SGCZ: variants seen among roughly 807,000 people sequenced by gnomAD.
The protein encoded by SGCZ is sarcoglycan zeta, also known as zeta-sarcoglycan.
SGCZ carries 40 observed loss-of-function variants against 41.3 expected under a neutral mutation model. The ratio of observed to expected loss-of-function variants is 0.97; its 90% CI spans 0.75 to 1.26. SGCZ has a LOEUF of 1.26. Ranked by LOEUF, SGCZ falls within the 50% of genes most tolerant of loss-of-function variation. The probability of loss-of-function intolerance (pLI) is 0.00; values close to 1 mark genes in which losing one functional copy is unlikely to be tolerated. For synonymous variants in SGCZ, 206 were observed against 137.5 expected, an observed-to-expected ratio of 1.50 and a Z score of -3.49; for missense variants, 552 against 369.8, an observed-to-expected ratio of 1.49 and a Z score of -4.04.
At chr8:14,983,954 T>C (rs985446769) in intron 1 of SGCZ, among the ~76,000 whole-genome samples, 1 of 152,218 alleles carries the variant, frequency 6.6e-6, no homozygotes, top group Non-Finnish European at 1.5e-5. Flanking sequence ...TTTCAACCAA[T>C]ACTCGCTTTT....
chr8:14,962,548 G>C (rs892441341), intron 1 of SGCZ, among the ~76,000 whole-genome samples: 13 of 151,848 alleles, frequency 8.6e-5, no homozygotes, highest in African/African-American at 3.1e-4. Context: ...AATAGTTACT[G>C]GTTTCTCTGT....
At chr8:14,572,194 A>C (rs1804575696) in intron 1 of SGCZ, among the ~76,000 whole-genome samples, 1 of 152,186 alleles carries the variant, frequency 6.6e-6, no homozygotes, top group African/African-American at 2.4e-5. Context: ...ACTGCTCTCT[A>C]CCAGATAGTT....
At chr8:14,671,202 T>A (rs1234488423) in intron 1 of SGCZ, among the ~76,000 whole-genome samples, 2 of 152,224 alleles carry the variant, frequency 1.3e-5, no homozygotes, top group African/African-American at 4.8e-5. Flanking sequence ...TTTAAAATTG[T>A]GCAGATGAGG....
chr8:14,924,550 A>G (rs907106689), intron 1 of SGCZ, among the ~76,000 whole-genome samples: 4 of 151,922 alleles, frequency 2.6e-5, no homozygotes, highest in African/African-American at 9.7e-5. Context: ...AAAAAAAAGC[A>G]CGCCTTCCTA....
At chr8:14,204,806 T>A (rs1330154415) in intron 4 of SGCZ, among the ~76,000 whole-genome samples, 1 of 152,172 alleles carries the variant, frequency 6.6e-6, no homozygotes, top group Admixed American at 6.5e-5. Flanking sequence ...CTGTGAGACC[T>A]ACACCAGTTC....
chr8:15,045,732 C>A (rs1392129886), intron 1 of SGCZ, among the ~76,000 whole-genome samples: 1 of 152,054 alleles, frequency 6.6e-6, no homozygotes, highest in Non-Finnish European at 1.5e-5. Context: ...GAGTTGAAGA[C>A]CCTATCCATC....
At chr8:14,862,376 T>C (rs1803781197) in intron 1 of SGCZ, among the ~76,000 whole-genome samples, 1 of 151,824 alleles carries the variant, frequency 6.6e-6, no homozygotes, top group Non-Finnish European at 1.5e-5. Flanking sequence ...GTGGCTGTTG[T>C]GCAAATGAGA....
intron 1 of SGCZ, among the ~76,000 whole-genome samples, chr8:14,677,671 T>C (rs1213416144): frequency 6.6e-6 from 1 of 152,132 alleles, no homozygotes; most frequent in Non-Finnish European, 1.5e-5. Context: ...CTCAGGAGGC[T>C]GAGGCAAGAG....
intron 1 of SGCZ, among the ~76,000 whole-genome samples, chr8:14,938,249 G>A (rs1800148831): frequency 6.6e-6 from 1 of 152,112 alleles, no homozygotes; most frequent in African/African-American, 2.4e-5. Context: ...AACAGTAGAG[G>A]AAGATATGGA....
At chr8:14,960,333 C>T (rs1397862852) in intron 1 of SGCZ, among the ~76,000 whole-genome samples, 1 of 151,910 alleles carries the variant, frequency 6.6e-6, no homozygotes, top group African/African-American at 2.4e-5. Flanking sequence ...GTTGAGACAC[C>T]ATGGAATACA....
At chr8:15,000,546 A>G (rs1199954503) in intron 1 of SGCZ, among the ~76,000 whole-genome samples, 1 of 152,156 alleles carries the variant, frequency 6.6e-6, no homozygotes, top group African/African-American at 2.4e-5. Flanking sequence ...TGCATGGGTG[A>G]GTGCCCCAGG....
At chr8:15,236,032 C>G (rs1479415307) in intron 1 of SGCZ, among the ~76,000 whole-genome samples, 1 of 152,216 alleles carries the variant, frequency 6.6e-6, no homozygotes, top group Admixed American at 6.5e-5. Context: ...CCAAGGTCTA[C>G]TGACTATGAT....
intron 1 of SGCZ, among the ~76,000 whole-genome samples, chr8:14,650,982 A>G (rs1807379333): frequency 6.6e-6 from 1 of 152,114 alleles, no homozygotes; most frequent in South Asian, 2.1e-4. Context: ...CTTAAAATAT[A>G]AACTATAAAA....
intron 1 of SGCZ, among the ~76,000 whole-genome samples, chr8:14,999,791 G>C (rs10088046): frequency 0.33 from 50,801 of 152,112 alleles, 8,909 homozygotes; most frequent in South Asian, 0.38. Context: ...ACCATGCAAA[G>C]TAATGGGGAA....
intron 1 of SGCZ, among the ~76,000 whole-genome samples, chr8:15,069,512 C>G (rs1234448360): frequency 1.3e-5 from 2 of 152,148 alleles, no homozygotes; most frequent in African/African-American, 4.8e-5. Context: ...CTGATTTTCA[C>G]GTTAACACCA....
chr8:14,370,250 T>C (rs927084040), intron 2 of SGCZ, among the ~76,000 whole-genome samples: 15 of 151,978 alleles, frequency 9.9e-5, no homozygotes, highest in African/African-American at 3.6e-4. Context: ...AGTACAGTAC[T>C]CAAAGACAAC....
At chr8:15,020,548 C>T (rs756235919) in intron 1 of SGCZ, among the ~76,000 whole-genome samples, 4 of 152,044 alleles carry the variant, frequency 2.6e-5, no homozygotes, top group East Asian at 3.9e-4. Context: ...GCTGTCAGCT[C>T]GCCACCAGAA....
chr8:14,567,402 T>G (rs116915092), intron 1 of SGCZ, among the ~76,000 whole-genome samples: 16,210 of 152,154 alleles, frequency 0.11, 1,176 homozygotes, highest in East Asian at 0.33. Context: ...AATACACCAG[T>G]GGACACTCTT....
chr8:14,740,391 G>T (rs56370032), intron 1 of SGCZ, among the ~76,000 whole-genome samples: 27,376 of 151,846 alleles, frequency 0.18, 2,933 homozygotes, highest in East Asian at 0.3. Context: ...GTGTGTGTGT[G>T]TTTTTCCTTT....
Sources: allele counts gnomAD v4.1 joint callset (sites outside exome capture counted in the v4.1 genomes callset), GRCh38; gene constraint gnomAD v4.1.1; transcripts MANE v1.5; gene names NCBI Gene and HGNC (gene_info 2026-07-23, HGNC 2026-07-21).